Variants in KANK1 observed in about 807,000 individuals in gnomAD.
The protein encoded by KANK1 is KN motif and ankyrin repeat domains 1.
KANK1 carries 109 observed loss-of-function variants against 106.2 expected under a neutral mutation model. The ratio of observed to expected loss-of-function variants is 1.03; its 90% CI spans 0.88 to 1.20. The LOEUF is 1.20. KANK1 is among the 50% of genes most tolerant of loss of function. The pLI is 0.00. For missense variants in KANK1, 2,399 were observed against 1,710.7 expected, an observed-to-expected ratio of 1.40 and a Z score of -7.10; for synonymous variants, 873 against 652.2, an observed-to-expected ratio of 1.34 and a Z score of -5.16.
At chr9:478,204 C>A (rs1394789037) in intron 3 of KANK1, 2 of 159,086 alleles carry the variant, frequency 1.3e-5, no homozygotes, top group Admixed American at 6.4e-5. Context: ...GATGCAGCAC[C>A]AATCCTTAGT....
Position 713,171 on chromosome 9 carries a change from A to T in KANK1, c.2405A>T (p.Asp802Val), listed in dbSNP as rs1408288677. Residue 802 changes from aspartate (D) to valine (V), a missense_variant, in exon 3 of 12, where the codon GAC (aspartate) becomes GTC (valine). Asp to Val is a radical substitution (Grantham distance 152). Coordinates refer to ENST00000382297, the MANE Select transcript of KANK1 (RefSeq NM_015158.5). ...AGAAGGAGCGTGGGGGTTGGGGATG[A>T]CCCTGTAGGGGAATCTCTGGAGAAC... is the stretch of plus-strand genomic sequence containing the variant. ...ASRRSVGVGD[D>V]PVGESLENPQ... 5 of 1,586,348 alleles carry T rather than the reference A, an allele frequency of 3.2e-6. No individual in the cohort carries two copies. The highest frequency in any genetic ancestry group is 4.3e-6 in the Non-Finnish European group (5 of 1,165,778).
intron 3 of KANK1, among the ~76,000 whole-genome samples, chr9:724,486 C>T (rs914577106): frequency 2.0e-5 from 3 of 152,128 alleles, no homozygotes; most frequent in East Asian, 3.8e-4. Context: ...ATGCTTCGTA[C>T]AAGCATTTCT....
chr9:548,975 T>C (rs2061103681), intron 1 of KANK1: 1 of 151,956 alleles, frequency 6.6e-6, no homozygotes, highest in Admixed American at 6.6e-5. Context: ...TGACAGAAAT[T>C]TTATGGTCTG....
intron 3 of KANK1, among the ~76,000 whole-genome samples, chr9:480,147 G>C (rs866737868): frequency 3.9e-5 from 6 of 152,320 alleles, no homozygotes; most frequent in Middle Eastern, 6.8e-3. Context: ...CAAGCTAACT[G>C]CTGTACAGCA....
At chr9:688,286 C>G (rs959000785) in intron 2 of KANK1, among the ~76,000 whole-genome samples, 3 of 152,158 alleles carry the variant, frequency 2.0e-5, no homozygotes, top group Non-Finnish European at 4.4e-5. Context: ...TGCTTTCTCT[C>G]CCTCACTTGC....
At chr9:616,055 C>T (rs1242181995) in intron 1 of KANK1, among the ~76,000 whole-genome samples, 1 of 152,166 alleles carries the variant, frequency 6.6e-6, no homozygotes, top group Non-Finnish European at 1.5e-5. Context: ...ATCCGTCCTA[C>T]CAGTGTCACC....
chr9:533,568 C>G (rs1391863228), intron 1 of KANK1, among the ~76,000 whole-genome samples: 1 of 152,208 alleles, frequency 6.6e-6, no homozygotes, highest in African/African-American at 2.4e-5. Context: ...TTTTATTTGA[C>G]TTATCTGAAT....
chr9:610,916 A>G (rs1830404458), intron 1 of KANK1, among the ~76,000 whole-genome samples: 1 of 152,154 alleles, frequency 6.6e-6, no homozygotes. Context: ...AATGGTTAAC[A>G]TCGTCCCCAG....
chr9:572,902 T>C (rs1338143076), intron 1 of KANK1, among the ~76,000 whole-genome samples: 1 of 152,208 alleles, frequency 6.6e-6, no homozygotes, highest in Admixed American at 6.5e-5. Flanking sequence ...GATCAAGTGA[T>C]CCATTTAGGA....
intron 1 of KANK1, among the ~76,000 whole-genome samples, chr9:545,624 G>A (rs569699369): frequency 1.3e-4 from 20 of 151,134 alleles, no homozygotes; most frequent in African/African-American, 4.6e-4. Context: ...AGAGCCAAGA[G>A]AATTGAGTCA....
chr9:590,957 C>G (rs541321058), intron 1 of KANK1, among the ~76,000 whole-genome samples: 4 of 151,706 alleles, frequency 2.6e-5, no homozygotes, highest in Non-Finnish European at 5.9e-5. Flanking sequence ...CACCAGTATG[C>G]GAGAGGTCTC....
chr9:614,962 C>G (rs896553399), intron 1 of KANK1, among the ~76,000 whole-genome samples: 2 of 151,990 alleles, frequency 1.3e-5, no homozygotes, highest in African/African-American at 4.8e-5. Flanking sequence ...CCCCCCCTGC[C>G]CTTTTTTTGA....
At position 700,901 on chromosome 9, in the gene KANK1, T is replaced by C. The variant is rs184154309; in HGVS notation, c.38-9903T>C. On this transcript the variant is annotated intron_variant, in intron 2 of 11. Coordinates refer to ENST00000382297, the MANE Select transcript of KANK1 (RefSeq NM_015158.5). ...AAAGAAGTCAGTGTGTCCTAATTAA[T>C]AGATAAAGTAATAATATCAAAGTCT... Among the ~76,000 whole-genome samples the C allele has an allele frequency of 2.0e-3, 297 of 152,304 alleles. 2 individuals are homozygous for C. Among genetic ancestry groups the C allele is most frequent in the African/African-American group, 6.8e-3 (284 of 41,546 alleles).
Position 673,046 on chromosome 9 carries a change from G to A in KANK1, c.-83-3844G>A, listed in dbSNP as rs540993233. Among the ~76,000 whole-genome samples, 19 of 152,110 alleles carry A rather than the reference G, an allele frequency of 1.2e-4. 1 individual carries two copies. Among genetic ancestry groups the A allele is most frequent in the Non-Finnish European group, 2.5e-4 (17 of 67,998 alleles). ...CCTTTTCTGGTTTATACAATGCACC[G>A]ACATAAGAATCTGCATAGCATTAAG... On this transcript the variant is annotated intron_variant, in intron 1 of 11. Transcript: ENST00000382297.
At chr9:678,719 C>G (rs896996980) in intron 2 of KANK1, among the ~76,000 whole-genome samples, 1 of 152,072 alleles carries the variant, frequency 6.6e-6, no homozygotes, top group East Asian at 1.9e-4. Context: ...GAGTGAGACT[C>G]CATATCAAAA....
intron 3 of KANK1, among the ~76,000 whole-genome samples, chr9:476,013 C>T (rs938570570): frequency 8.6e-5 from 13 of 151,972 alleles, no homozygotes; most frequent in East Asian, 3.9e-4. Flanking sequence ...CCACCACACC[C>T]GGCTAATTTT....
At chr9:564,851 ATACAGTGT>A (rs1289566464) in intron 1 of KANK1, among the ~76,000 whole-genome samples, 1 of 152,250 alleles carries the variant, frequency 6.6e-6, no homozygotes, top group African/African-American at 2.4e-5. Flanking sequence ...TCTCATTGAC[ATACAGTGT>A]TGTTTTTGGC....
intron 1 of KANK1, among the ~76,000 whole-genome samples, chr9:573,081 T>G (rs1407798963): frequency 1.3e-5 from 2 of 152,182 alleles, no homozygotes; most frequent in Admixed American, 1.3e-4. Context: ...AGAGTCTGAC[T>G]TGGAGTATTC....
chr9:572,828 T>A (rs1385871335), intron 1 of KANK1, among the ~76,000 whole-genome samples: 3 of 152,180 alleles, frequency 2.0e-5, no homozygotes, highest in African/African-American at 7.2e-5. Context: ...TTCCCACATT[T>A]CCATCTTTAT....
Sources: allele counts gnomAD v4.1 joint callset (sites outside exome capture counted in the v4.1 genomes callset), GRCh38; gene constraint gnomAD v4.1.1; transcripts MANE v1.5; gene names NCBI Gene and HGNC (gene_info 2026-07-23, HGNC 2026-07-21).